Variants in LCOR observed in about 807,000 individuals in gnomAD.
LCOR encodes the protein ligand dependent nuclear receptor corepressor, also known as ligand-dependent corepressor.
LCOR carries 14 observed loss-of-function variants against 64.4 expected under a neutral mutation model. The ratio of observed to expected loss-of-function variants is 0.22; its 90% CI spans 0.14 to 0.34. The LOEUF is 0.34. Among genes scored for constraint, LCOR ranks in the 10% least tolerant of loss-of-function variants. The pLI is 1.00. For missense variants in LCOR, 1,686 were observed against 1,765.3 expected (o/e 0.96, Z 0.80); for synonymous variants, 643 against 642.5 (o/e 1.00, Z -0.01).
chr10:96,984,880 G>A lies in LCOR; in HGVS notation c.4420G>A (p.Glu1474Lys). The A allele has an allele frequency of 6.2e-7, 1 of 1,613,736 alleles. No individual in the cohort carries two copies. Among genetic ancestry groups the A allele is most frequent in the African/African-American group, 1.3e-5 (1 of 74,960 alleles). Residue 1474 changes from glutamate (E) to lysine (K), a missense_variant, in exon 8 of 8, where the codon GAA becomes AAA. By Grantham distance (56) the Glu-to-Lys change is moderately conservative. Coordinates refer to ENST00000421806, the MANE Select transcript of LCOR (RefSeq NM_001346516.2). ...GAAGAGCTGCCCTCCCTCCAGGAAA[G>A]AAAAAGAGAATACAAACAAAAGGCC... ...AGKSCPPSRK[E>K]KENTNKRPSQ...
intron 2 of LCOR, among the ~76,000 whole-genome samples, chr10:96,849,369 G>A (rs932674833): frequency 6.6e-6 from 1 of 151,838 alleles, no homozygotes; most frequent in Non-Finnish European, 1.5e-5. Flanking sequence ...CACTGCGTCC[G>A]GCCTAATTTT....
chr10:96,955,168 A>G (rs767326762), intron 7 of LCOR: 1 of 1,614,192 alleles, frequency 6.2e-7, no homozygotes, highest in Non-Finnish European at 8.5e-7. Context: ...TTACAGAATC[A>G]TGGACAACAC....
intron 7 of LCOR, among the ~76,000 whole-genome samples, chr10:96,970,629 T>TTTTATTTTATTTTATTTTA (rs1847991289): frequency 3.5e-5 from 4 of 114,810 alleles, no homozygotes; most frequent in African/African-American, 1.7e-4. Flanking sequence ...ATTTTATTTA[T>TTTTATTTTATTTTATTTTA]TTTATTTTAT....
At chr10:96,859,424 C>T (rs1845852926) in intron 2 of LCOR, among the ~76,000 whole-genome samples, 1 of 152,128 alleles carries the variant, frequency 6.6e-6, no homozygotes, top group Admixed American at 6.5e-5. Flanking sequence ...GTTGGCCAGG[C>T]TGGTCTCGAA....
intron 2 of LCOR, among the ~76,000 whole-genome samples, chr10:96,846,478 T>C (rs1343693338): frequency 1.3e-5 from 2 of 152,026 alleles, no homozygotes; most frequent in East Asian, 3.9e-4. Flanking sequence ...TCTTAAACTC[T>C]TGGGCTCAAG....
chr10:96,923,380 A>G (rs958692890), intron 4 of LCOR, among the ~76,000 whole-genome samples: 1 of 152,218 alleles, frequency 6.6e-6, no homozygotes, highest in Non-Finnish European at 1.5e-5. Context: ...TGGAGAATCC[A>G]AGCACTGAGT....
intron 2 of LCOR, among the ~76,000 whole-genome samples, chr10:96,884,525 C>T (rs569032900): frequency 3.7e-4 from 56 of 152,304 alleles, no homozygotes; most frequent in African/African-American, 1.3e-3. Flanking sequence ...CTTTCTGCAC[C>T]TGGGGGTGCA....
In LCOR at chr10:96,982,590, C is replaced by T. The variant is rs1216910551; in HGVS notation, c.2130C>T (p.Ser710=). Residue 710 remains serine, a synonymous_variant, in exon 8 of 8, where the codon TCC becomes TCT. Transcript: ENST00000421806. ...CTCAGTGCTCAGAAAATCAGAGTTC[C>T]CCAATGGGCTTGGAGCCCCCCATGA... ...ESPQCSENQS[S]PMGLEPPMSL... The T allele has an allele frequency of 2.5e-6, 4 of 1,614,116 alleles. No homozygotes were observed. The highest frequency in any genetic ancestry group is 3.4e-6 in the Non-Finnish European group (4 of 1,180,024).
At chr10:96,857,327 A>G (rs1240549016) in intron 2 of LCOR, among the ~76,000 whole-genome samples, 2 of 152,188 alleles carry the variant, frequency 1.3e-5, no homozygotes. Context: ...TTACTTGGAA[A>G]TGTTAAAGTC....
chr10:96,878,344 A>G (rs540493731), intron 2 of LCOR, among the ~76,000 whole-genome samples: 2 of 152,340 alleles, frequency 1.3e-5, no homozygotes, highest in Non-Finnish European at 2.9e-5. Flanking sequence ...AATCCAGGTG[A>G]GAGATGAAGG....
At chr10:96,947,166 C>T (rs1327651789) in intron 5 of LCOR, among the ~76,000 whole-genome samples, 1 of 151,926 alleles carries the variant, frequency 6.6e-6, no homozygotes, top group East Asian at 1.9e-4. Flanking sequence ...ACTTCTGAAC[C>T]TTACCTAGTT....
chr10:96,878,788 CTCTT>C (rs1290675935), intron 2 of LCOR, among the ~76,000 whole-genome samples: 1 of 152,018 alleles, frequency 6.6e-6, no homozygotes, highest in African/African-American at 2.4e-5. Context: ...TTTTCCTTCT[CTCTT>C]CTCCCCTCCC....
At chr10:96,839,216 T>C (rs1249150580) in intron 2 of LCOR, among the ~76,000 whole-genome samples, 3 of 152,220 alleles carry the variant, frequency 2.0e-5, no homozygotes, top group Admixed American at 1.3e-4. Context: ...TGGGTTATTA[T>C]TTATTGTTGA....
chr10:96,956,640 C>G (rs1207944873), intron 7 of LCOR: 2 of 985,712 alleles, frequency 2.0e-6, no homozygotes, highest in Non-Finnish European at 2.4e-6. Flanking sequence ...TTACTTTGAA[C>G]ACTACCTTTG....
At chr10:96,879,246 A>C (rs530557962) in intron 2 of LCOR, among the ~76,000 whole-genome samples, 1 of 152,242 alleles carries the variant, frequency 6.6e-6, no homozygotes, top group Non-Finnish European at 1.5e-5. Context: ...AAAGAAATTA[A>C]GGAACTTGCC....
rs1301383509 is a variant in LCOR at position 96,983,927 on chromosome 10, G to A, written c.3467G>A (p.Arg1156Gln). ...KEIWKSKKRS[R>Q]KCRSSLESQK... Reference sequence around the variant, plus strand: ...ATTTGGAAAAGCAAGAAAAGGTCACGGAAATGTAGGAGTTCATTGGAGAGT... The same window carrying A: ...ATTTGGAAAAGCAAGAAAAGGTCACAGAAATGTAGGAGTTCATTGGAGAGT... The change falls in exon 8 of 8, where the codon CGG becomes CAG. Residue 1156 changes from arginine (R) to glutamine (Q), a missense_variant. Coordinates refer to ENST00000421806, the MANE Select transcript of LCOR (RefSeq NM_001346516.2). The surrounding 1 kb of genome is among the most constrained non-coding windows in gnomAD (Gnocchi z 4.5). The A allele has an allele frequency of 1.9e-6, 3 of 1,614,042 alleles. No homozygotes were observed. The highest frequency in any genetic ancestry group is 1.7e-5 in the Admixed American group (1 of 60,000).
intron 7 of LCOR, among the ~76,000 whole-genome samples, chr10:96,965,974 A>G (rs909699724): frequency 2.0e-5 from 3 of 152,004 alleles, no homozygotes; most frequent in South Asian, 2.1e-4. Context: ...TAGTGATCCT[A>G]TCTTCAAATT....
At chr10:96,840,720 T>G (rs1442605599) in intron 2 of LCOR, among the ~76,000 whole-genome samples, 1 of 152,246 alleles carries the variant, frequency 6.6e-6, no homozygotes, top group African/African-American at 2.4e-5. Context: ...AGACTTTAAA[T>G]GTTTTCTAGA....
At chr10:96,881,467 T>G (rs1028302309) in intron 2 of LCOR, among the ~76,000 whole-genome samples, 6 of 152,202 alleles carry the variant, frequency 3.9e-5, no homozygotes, top group Non-Finnish European at 5.9e-5. Flanking sequence ...TTTTTGTTTT[T>G]TTTTTTGAGA....
Sources: allele counts gnomAD v4.1 joint callset (sites outside exome capture counted in the v4.1 genomes callset), GRCh38; gene constraint gnomAD v4.1.1; non-coding constraint Gnocchi (gnomAD v3.1); transcripts MANE v1.5; gene names NCBI Gene and HGNC (gene_info 2026-07-23, HGNC 2026-07-21).